SHANK2: variants seen among roughly 807,000 people sequenced by gnomAD.
The protein encoded by SHANK2 is SH3 and multiple ankyrin repeat domains protein 2.
Under a neutral mutation model 133.7 loss-of-function variants are expected in SHANK2, and 43 were observed. That is an observed-to-expected ratio of 0.32 (90% CI 0.25 to 0.41). SHANK2 has a LOEUF of 0.41. SHANK2 is among the 10% of genes least tolerant of loss of function. The pLI, the probability that SHANK2 is intolerant of heterozygous loss-of-function variation, is 1.00. For missense variants in SHANK2, 1,994 were observed against 2,235.8 expected, an observed-to-expected ratio of 0.89 and a Z score of 2.18; for synonymous variants, 1,017 against 952.8, an observed-to-expected ratio of 1.07 and a Z score of -1.24.
chr11:70,691,093 T>C (rs1555020918), intron 15 of SHANK2, among the ~76,000 whole-genome samples: 2 of 152,152 alleles, frequency 1.3e-5, no homozygotes, highest in African/African-American at 4.8e-5. Context: ...ATTACATGCA[T>C]GCAGTACTTG....
intron 11 of SHANK2, among the ~76,000 whole-genome samples, chr11:70,860,374 C>T (rs1264362643): frequency 6.6e-6 from 1 of 152,218 alleles, no homozygotes; most frequent in Admixed American, 6.5e-5. Flanking sequence ...TCCCATCACC[C>T]ATTAAGGTGA....
intron 17 of SHANK2, among the ~76,000 whole-genome samples, chr11:70,627,093 T>C (rs1451440988): frequency 2.0e-5 from 3 of 152,114 alleles, no homozygotes; most frequent in African/African-American, 7.2e-5. Context: ...CCCTGAAGTG[T>C]CTCCTCTCAC....
At chr11:71,203,155 C>G (rs1265416474) in intron 2 of SHANK2, among the ~76,000 whole-genome samples, 1 of 152,076 alleles carries the variant, frequency 6.6e-6, no homozygotes, top group Non-Finnish European at 1.5e-5. Flanking sequence ...AGCGTAATGA[C>G]CATCTGTGAG....
At chr11:70,590,895 G>A (rs912815104) in intron 17 of SHANK2, among the ~76,000 whole-genome samples, 4 of 152,214 alleles carry the variant, frequency 2.6e-5, no homozygotes, top group African/African-American at 7.2e-5. Context: ...AGTCATCCTG[G>A]AGTTAACGAG....
chr11:70,888,816 CA>C (rs532245553), intron 11 of SHANK2, among the ~76,000 whole-genome samples: 2 of 135,638 alleles, frequency 1.5e-5, no homozygotes, highest in Non-Finnish European at 3.1e-5. Flanking sequence ...GACGCCATCT[CA>C]AAAAAAAAGA....
intron 11 of SHANK2, among the ~76,000 whole-genome samples, chr11:70,885,577 G>T (rs1229684355): frequency 1.3e-5 from 2 of 152,210 alleles, no homozygotes; most frequent in Non-Finnish European, 2.9e-5. Context: ...GGCTGCGCAG[G>T]AGGCATGGGG....
intron 17 of SHANK2, among the ~76,000 whole-genome samples, chr11:70,588,099 C>T (rs1381716798): frequency 6.6e-6 from 1 of 152,188 alleles, no homozygotes; most frequent in Non-Finnish European, 1.5e-5. Context: ...GTTGTGTGTT[C>T]TGACTGATCT....
intron 1 of SHANK2, among the ~76,000 whole-genome samples, chr11:71,234,523 C>G (rs1433964232): frequency 2.0e-5 from 3 of 152,192 alleles, no homozygotes; most frequent in African/African-American, 7.2e-5. Context: ...CAGGAAATGC[C>G]CCCCGCCCCA....
At position 70,472,278 on chromosome 11, in the gene SHANK2, G is replaced by T. The variant is rs879971097; in HGVS notation, c.*591C>A. On this transcript the variant is annotated 3_prime_UTR_variant, in exon 26 of 26. Coordinates refer to ENST00000601538, the MANE Select transcript of SHANK2 (RefSeq NM_012309.5). This position sits in a 1 kb window ranked among gnomAD's most constrained non-coding sequence, Gnocchi z 4.4. ...AAACCACAGGAGGAGATGGGGAAAA[G>T]AATCTGTGTAGGAAAAAGTTTCTCT... 9.6e-5 allele frequency: 15 copies of T among 155,518 alleles called. No individual in the cohort carries two copies. The highest frequency in any genetic ancestry group is 1.6e-4 in the Non-Finnish European group (11 of 70,140). The allele number at this position is 155,518 out of a possible 1,614,324, so 9.6% of individuals were successfully genotyped here.
At chr11:70,876,554 G>A (rs1949568379) in intron 11 of SHANK2, among the ~76,000 whole-genome samples, 1 of 140,322 alleles carries the variant, frequency 7.1e-6, no homozygotes, top group Non-Finnish European at 1.5e-5. Context: ...GTGAGACTCC[G>A]CCTCAAAAAA....
At chr11:70,796,467 G>C (rs1227922859) in intron 14 of SHANK2, among the ~76,000 whole-genome samples, 1 of 152,226 alleles carries the variant, frequency 6.6e-6, no homozygotes, top group Non-Finnish European at 1.5e-5. Flanking sequence ...GGCTCTGAAG[G>C]TGAGTGCCAG....
chr11:70,570,973 C>T (rs1269549416), intron 17 of SHANK2, among the ~76,000 whole-genome samples: 1 of 152,160 alleles, frequency 6.6e-6, no homozygotes, highest in Non-Finnish European at 1.5e-5. Context: ...GGGGTCAAAG[C>T]ACTCCTGTGC....
intron 10 of SHANK2, chr11:70,948,455 C>CATCAA (rs1307721154): frequency 4.5e-6 from 2 of 444,878 alleles, no homozygotes; most frequent in Admixed American, 4.7e-5. Flanking sequence ...ATGCACCGAA[C>CATCAA]ATCAGCCACA....
At chr11:70,616,817 C>T (rs1452763201) in intron 17 of SHANK2, among the ~76,000 whole-genome samples, 1 of 152,096 alleles carries the variant, frequency 6.6e-6, no homozygotes, top group African/African-American at 2.4e-5. Flanking sequence ...AGTCCCCAGG[C>T]GAGGGGAGCC....
intron 11 of SHANK2, among the ~76,000 whole-genome samples, chr11:70,860,049 C>T (rs782394455): frequency 8.5e-5 from 13 of 152,278 alleles, no homozygotes; most frequent in South Asian, 2.1e-4. Flanking sequence ...TCCCTCCCTG[C>T]GGAGCAAACA....
At chr11:70,725,579 G>C (rs1306419245) in intron 14 of SHANK2, among the ~76,000 whole-genome samples, 1 of 152,220 alleles carries the variant, frequency 6.6e-6, no homozygotes, top group African/African-American at 2.4e-5. Flanking sequence ...ACTTGGACCA[G>C]TGGGTGTTGT....
chr11:70,701,204 A>G (rs1945511437), intron 14 of SHANK2, among the ~76,000 whole-genome samples: 1 of 151,950 alleles, frequency 6.6e-6, no homozygotes, highest in African/African-American at 2.4e-5. Flanking sequence ...AAAAAAGACT[A>G]TTTCAGTAAA....
chr11:71,143,049 C>T (rs2135389053), intron 3 of SHANK2, among the ~76,000 whole-genome samples: 1 of 152,286 alleles, frequency 6.6e-6, no homozygotes, highest in East Asian at 1.9e-4. Flanking sequence ...GGCTGGGCAA[C>T]ATGGTAAAAC....
chr11:70,667,337 G>A (rs375358478), intron 15 of SHANK2, among the ~76,000 whole-genome samples: 3 of 152,126 alleles, frequency 2.0e-5, no homozygotes, highest in Admixed American at 1.3e-4. Context: ...GCTCACCCAC[G>A]GTCCCACTGT....
Sources: allele counts gnomAD v4.1 joint callset (sites outside exome capture counted in the v4.1 genomes callset), GRCh38; gene constraint gnomAD v4.1.1; non-coding constraint Gnocchi (gnomAD v3.1); transcripts MANE v1.5; gene names NCBI Gene and HGNC (gene_info 2026-07-23, HGNC 2026-07-21).